Variants in PEAK1 observed in about 807,000 individuals in gnomAD.
The protein encoded by PEAK1 is inactive tyrosine-protein kinase PEAK1.
Under a neutral mutation model 124.7 loss-of-function variants are expected in PEAK1, and 54 were observed. The observed-to-expected ratio is 0.43, with a 90% CI of 0.35 to 0.54. PEAK1 has a LOEUF of 0.54. PEAK1 is among the 20% of genes least tolerant of loss of function. PEAK1 has a pLI of 0.01. For missense variants in PEAK1, 2,046 were observed against 2,134.5 expected, an observed-to-expected ratio of 0.96 and a Z score of 0.82; for synonymous variants, 719 against 760.0, an observed-to-expected ratio of 0.95 and a Z score of 0.89.
intron 5 of PEAK1, among the ~76,000 whole-genome samples, chr15:77,253,098 C>G (rs2060953993): frequency 6.6e-6 from 1 of 152,026 alleles, no homozygotes; most frequent in Non-Finnish European, 1.5e-5. Flanking sequence ...AAAACTGACC[C>G]AACCCCTAAT....
intron 7 of PEAK1, among the ~76,000 whole-genome samples, chr15:77,165,408 G>A (rs560237096): frequency 6.6e-6 from 1 of 152,116 alleles, no homozygotes; most frequent in Non-Finnish European, 1.5e-5. Context: ...TGTTGGCCAG[G>A]CTGATCTCGA....
At chr15:77,190,676 A>C (rs1431842258) in intron 6 of PEAK1, among the ~76,000 whole-genome samples, 1 of 152,212 alleles carries the variant, frequency 6.6e-6, no homozygotes, top group African/African-American at 2.4e-5. Flanking sequence ...AGGCTCACTT[A>C]ATATGTAGAT....
intron 7 of PEAK1, among the ~76,000 whole-genome samples, chr15:77,168,207 A>G (rs974383423): frequency 2.6e-4 from 39 of 150,462 alleles, no homozygotes; most frequent in African/African-American, 7.8e-4. Context: ...TTTCCATGCC[A>G]TATGTACATG....
At chr15:77,154,386 T>G (rs1459197093) in intron 8 of PEAK1, among the ~76,000 whole-genome samples, 3 of 151,940 alleles carry the variant, frequency 2.0e-5, no homozygotes, top group African/African-American at 7.2e-5. Flanking sequence ...TGTCTCTGCA[T>G]GTGAGATGGG....
At chr15:77,321,741 T>A (rs1370192433) in intron 2 of PEAK1, among the ~76,000 whole-genome samples, 2 of 152,202 alleles carry the variant, frequency 1.3e-5, no homozygotes, top group Non-Finnish European at 2.9e-5. Flanking sequence ...CATGCCTATG[T>A]CCTGAATGGT....
intron 5 of PEAK1, among the ~76,000 whole-genome samples, chr15:77,279,075 G>A (rs1291710237): frequency 6.6e-6 from 1 of 150,980 alleles, no homozygotes; most frequent in Non-Finnish European, 1.5e-5. Flanking sequence ...TGAACCGGCT[G>A]CCTCAGCCTC....
At chr15:77,404,460 A>G (rs746514455) in intron 1 of PEAK1, 13 of 523,804 alleles carry the variant, frequency 2.5e-5, no homozygotes, top group Non-Finnish European at 3.2e-5. Flanking sequence ...AAATATCTCA[A>G]TAATTGATTA....
At chr15:77,339,897 T>C (rs2066428179) in intron 2 of PEAK1, among the ~76,000 whole-genome samples, 1 of 152,208 alleles carries the variant, frequency 6.6e-6, no homozygotes, top group Non-Finnish European at 1.5e-5. Context: ...GTTAAGAGGC[T>C]CAATATCATA....
chr15:77,331,726 C>T (rs1383648356), intron 2 of PEAK1, among the ~76,000 whole-genome samples: 1 of 151,866 alleles, frequency 6.6e-6, no homozygotes, highest in African/African-American at 2.4e-5. Context: ...AAGCAATTCT[C>T]CTGCCTCAGC....
At chr15:77,154,255 C>A (rs1246727316) in intron 8 of PEAK1, among the ~76,000 whole-genome samples, 1 of 152,214 alleles carries the variant, frequency 6.6e-6, no homozygotes, top group African/African-American at 2.4e-5. Flanking sequence ...TTCTTTGTCT[C>A]TTTTAATCTT....
chr15:77,290,063 G>A (rs1051660998), intron 2 of PEAK1, among the ~76,000 whole-genome samples: 14 of 152,090 alleles, frequency 9.2e-5, no homozygotes, highest in South Asian at 2.1e-4. Context: ...TGCCTCCCAG[G>A]CTCAAGCGAT....
rs118058015 is a variant in PEAK1 at position 77,380,128 on chromosome 15, T to C, written c.-665-14903A>G. On this transcript the variant is annotated intron_variant, in intron 1 of 9. Coordinates refer to ENST00000682557, the MANE Select transcript of PEAK1 (RefSeq NM_001385026.1). ...GGTCTTTGTTATATTCTTTGACATA[T>C]TGATTTTCAAGAATATTTTCATTCC... Among the ~76,000 whole-genome samples, 401 of 152,332 alleles carry C rather than the reference T, an allele frequency of 2.6e-3. 1 individual carries two copies. The highest frequency in any genetic ancestry group is 3.7e-3 in the Non-Finnish European group (252 of 68,020).
At chr15:77,377,141 T>C (rs2069094186) in intron 1 of PEAK1, among the ~76,000 whole-genome samples, 1 of 152,162 alleles carries the variant, frequency 6.6e-6, no homozygotes, top group African/African-American at 2.4e-5. Flanking sequence ...TCCCAACACT[T>C]TGGGAGACCA....
At chr15:77,307,301 G>A (rs547003231) in intron 2 of PEAK1, among the ~76,000 whole-genome samples, 55 of 152,098 alleles carry the variant, frequency 3.6e-4, no homozygotes, top group African/African-American at 1.2e-3. Context: ...TGGTTAAACC[G>A]TCTTAAGTAA....
At chr15:77,391,009 T>TCC (rs1221202090) in intron 1 of PEAK1, among the ~76,000 whole-genome samples, 1 of 152,152 alleles carries the variant, frequency 6.6e-6, no homozygotes, top group African/African-American at 2.4e-5. Context: ...GGGTGCACTG[T>TCC]CCCCATCAGG....
chr15:77,272,283 C>T (rs2062077865), intron 5 of PEAK1, among the ~76,000 whole-genome samples: 2 of 151,776 alleles, frequency 1.3e-5, no homozygotes, highest in Non-Finnish European at 2.9e-5. Context: ...AAATGAAATT[C>T]AAACAAACAA....
rs538060296 is a variant in PEAK1, at chr15:77,347,392, G to A, written c.-603+17771C>T. 37 of 985,192 alleles carry A rather than the reference G, an allele frequency of 3.8e-5. 1 individual carries two copies. In the South Asian group the frequency reaches 1.3e-3, roughly 34 times the overall value. 61.0% of individuals were successfully genotyped at this position (985,192 alleles called of 1,614,324 possible). On this transcript the variant is annotated intron_variant, in intron 2 of 9. Transcript: ENST00000682557. ...AGAGGTTTCTGAATCAGAAAGAATC[G>A]GCATCAGAGTACTGGCTGAATCAGT... is the stretch of plus-strand genomic sequence containing the variant.
At position 77,179,085 on chromosome 15, in the gene PEAK1, C is replaced by G. The variant is rs755359510; in HGVS notation, c.2842G>C (p.Glu948Gln). The G allele has an allele frequency of 1.9e-6, 3 of 1,614,216 alleles. No individual in the cohort carries two copies. The South Asian group carries it at 3.3e-5, about 18-fold the overall frequency. The stretch of plus-strand genomic sequence containing the variant: ...TCCAGGCCCACCAGTTTCCCTTTCT[C>G]TCGCTCTTTCTCTTTGTCATCCTCC... ...DEEDDKEKEREKGKLVGLDGT... is the reference protein window; with the variant it reads ...DEEDDKEKERQKGKLVGLDGT... Residue 948 changes from glutamate to glutamine, a missense_variant, in exon 7 of 10, where the codon GAG (glutamate) becomes CAG (glutamine). Coordinates refer to ENST00000682557, the MANE Select transcript of PEAK1 (RefSeq NM_001385026.1).
intron 2 of PEAK1, among the ~76,000 whole-genome samples, chr15:77,353,622 C>T (rs2067333081): frequency 6.6e-6 from 1 of 152,088 alleles, no homozygotes; most frequent in Non-Finnish European, 1.5e-5. Context: ...CTACTTCTAC[C>T]TAAGGTAATT....
Sources: allele counts gnomAD v4.1 joint callset (sites outside exome capture counted in the v4.1 genomes callset), GRCh38; gene constraint gnomAD v4.1.1; transcripts MANE v1.5; gene names NCBI Gene and HGNC (gene_info 2026-07-23, HGNC 2026-07-21).